The following ATRNL1 variants were observed in gnomAD, a reference collection of about 807,000 sequenced individuals.
ATRNL1 encodes the protein attractin like 1, also known as attractin-like protein 1.
A neutral mutation model predicts 182.7 loss-of-function variants in ATRNL1; 95 were observed. That is an observed-to-expected ratio of 0.52 (90% CI 0.44 to 0.62). ATRNL1 has a LOEUF of 0.62. Ranked by LOEUF, ATRNL1 falls within the 20% of genes least tolerant of loss-of-function variation. The probability of loss-of-function intolerance (pLI) is 0.00; values close to 1 mark genes in which losing one functional copy is unlikely to be tolerated. For missense variants in ATRNL1, 1,471 were observed against 1,679.5 expected, an observed-to-expected ratio of 0.88 and a Z score of 2.17; for synonymous variants, 576 against 568.3, an observed-to-expected ratio of 1.01 and a Z score of -0.19.
chr10:115,430,686 A>T (rs1181416176), intron 21 of ATRNL1, among the ~76,000 whole-genome samples: 1 of 152,042 alleles, frequency 6.6e-6, no homozygotes, highest in African/African-American at 2.4e-5. Context: ...ACTATTTTTA[A>T]TTTTTTAAAA....
At chr10:115,739,646 A>G (rs1415262192) in intron 27 of ATRNL1, among the ~76,000 whole-genome samples, 2 of 152,224 alleles carry the variant, frequency 1.3e-5, no homozygotes, top group Non-Finnish European at 2.9e-5. Flanking sequence ...AAACATTAAC[A>G]CAAAAGTAGT....
intron 20 of ATRNL1, among the ~76,000 whole-genome samples, chr10:115,422,412 C>T (rs782680552): frequency 3.3e-5 from 5 of 152,114 alleles, no homozygotes; most frequent in Admixed American, 6.5e-5. Context: ...AGAAGACATA[C>T]ATGTGTCCAA....
At chr10:115,905,876 TAA>T (rs1187207798) in intron 28 of ATRNL1, among the ~76,000 whole-genome samples, 1 of 152,204 alleles carries the variant, frequency 6.6e-6, no homozygotes, top group African/African-American at 2.4e-5. Context: ...GAAAAGAACT[TAA>T]GAGAAGTTAA....
At chr10:115,533,476 A>G (rs1342110808) in intron 25 of ATRNL1, among the ~76,000 whole-genome samples, 2 of 151,344 alleles carry the variant, frequency 1.3e-5, no homozygotes. Flanking sequence ...TATTGTGTCT[A>G]TTTGATTCTT....
chr10:115,489,201 G>T (rs1457262799), intron 24 of ATRNL1, among the ~76,000 whole-genome samples: 1 of 152,186 alleles, frequency 6.6e-6, no homozygotes, highest in African/African-American at 2.4e-5. Context: ...TGTATATTCT[G>T]TTGATTTGGG....
At chr10:115,702,273 A>G (rs1028529852) in intron 26 of ATRNL1, among the ~76,000 whole-genome samples, 1 of 152,046 alleles carries the variant, frequency 6.6e-6, no homozygotes, top group Non-Finnish European at 1.5e-5. Context: ...GTACCTCAAA[A>G]TAATAAGAGC....
intron 22 of ATRNL1, among the ~76,000 whole-genome samples, chr10:115,463,657 C>T (rs1215753383): frequency 6.6e-6 from 1 of 152,086 alleles, no homozygotes; most frequent in Non-Finnish European, 1.5e-5. Context: ...AACAATAATG[C>T]CTCATTCCAC....
chr10:115,183,113 A>G (rs1554888094), intron 8 of ATRNL1, among the ~76,000 whole-genome samples: 3 of 151,498 alleles, frequency 2.0e-5, no homozygotes, highest in African/African-American at 4.8e-5. Flanking sequence ...AATATTAAAT[A>G]AAATCTTTCT....
chr10:115,206,037 C>T (rs1231317047), intron 8 of ATRNL1, among the ~76,000 whole-genome samples: 1 of 152,032 alleles, frequency 6.6e-6, no homozygotes, highest in Non-Finnish European at 1.5e-5. Context: ...AGTTTTTCTG[C>T]ATCTTAGAAC....
At chr10:115,385,905 G>C (rs1344369422) in intron 19 of ATRNL1, among the ~76,000 whole-genome samples, 1 of 151,994 alleles carries the variant, frequency 6.6e-6, no homozygotes, top group Non-Finnish European at 1.5e-5. Flanking sequence ...TCTCTATTCT[G>C]GTCCATTGAT....
chr10:115,351,670 A>G (rs1554941373), intron 19 of ATRNL1, among the ~76,000 whole-genome samples: 4 of 151,978 alleles, frequency 2.6e-5, no homozygotes, highest in Non-Finnish European at 4.4e-5. Flanking sequence ...TGTTGAAATC[A>G]GTTTGCTGAA....
chr10:115,450,729 C>G (rs1554967469), intron 21 of ATRNL1, among the ~76,000 whole-genome samples: 1 of 152,048 alleles, frequency 6.6e-6, no homozygotes, highest in East Asian at 1.9e-4. Context: ...AATGCTATTC[C>G]CATAAAACTA....
intron 5 of ATRNL1, among the ~76,000 whole-genome samples, chr10:115,152,344 C>A (rs554810761): frequency 2.0e-5 from 3 of 152,034 alleles, no homozygotes; most frequent in Non-Finnish European, 4.4e-5. Flanking sequence ...TCCCTGTCCA[C>A]GAGCATGGAA....
intron 26 of ATRNL1, among the ~76,000 whole-genome samples, chr10:115,611,017 T>A (rs1347044538): frequency 6.6e-6 from 1 of 151,918 alleles, no homozygotes; most frequent in African/African-American, 2.4e-5. Context: ...TTTCAAAATA[T>A]GAATCTTTTC....
At chr10:115,712,786 T>G (rs1947100922) in intron 26 of ATRNL1, among the ~76,000 whole-genome samples, 1 of 151,800 alleles carries the variant, frequency 6.6e-6, no homozygotes, top group Non-Finnish European at 1.5e-5. Context: ...GATGATCGCT[T>G]GAACCCAGGA....
At chr10:115,214,748 G>T (rs1554895797) in intron 8 of ATRNL1, among the ~76,000 whole-genome samples, 1 of 151,994 alleles carries the variant, frequency 6.6e-6, no homozygotes, top group Non-Finnish European at 1.5e-5. Flanking sequence ...AGAAATTGTG[G>T]GTTTTTCGTA....
intron 19 of ATRNL1, among the ~76,000 whole-genome samples, chr10:115,392,230 C>T (rs657139): frequency 0.37 from 55,805 of 151,824 alleles, 11,108 homozygotes; most frequent in African/African-American, 0.52. Flanking sequence ...TACTTTTTTT[C>T]AGATTTTTTC....
rs146696577 is a variant in ATRNL1 at position 115,286,564 on chromosome 10, GT to G, written c.2415+168del. ...AGACTTATTTTGTATAAGTAATAAG[GT>G]AATAAGGTTTTGTAAATTATCACTT... On this transcript the variant is annotated intron_variant, in intron 15 of 28. Coordinates refer to ENST00000355044, the MANE Select transcript of ATRNL1 (RefSeq NM_207303.4). Among the ~76,000 whole-genome samples the G allele has an allele frequency of 7.7e-3, 1,164 of 151,954 alleles. 18 individuals carry two copies. Among genetic ancestry groups the G allele is most frequent in the African/African-American group, 0.027 (1,121 of 41,500 alleles).
chr10:115,254,631 T>A (rs1207288696), intron 10 of ATRNL1, among the ~76,000 whole-genome samples: 1 of 152,238 alleles, frequency 6.6e-6, no homozygotes, highest in African/African-American at 2.4e-5. Context: ...GCAGAAGCTC[T>A]TTAGTTTAAT....
Sources: gnomAD v4.1 joint callset for allele counts (sites outside exome capture counted in the v4.1 genomes callset) on GRCh38, gnomAD v4.1.1 for gene constraint, MANE v1.5 for transcripts, NCBI Gene and HGNC (gene_info 2026-07-23, HGNC 2026-07-21) for gene names.